Variants in ANKEF1 observed in about 807,000 individuals in gnomAD.
The protein encoded by ANKEF1 is ankyrin repeat and EF-hand domain-containing protein 1.
A neutral mutation model predicts 65.1 loss-of-function variants in ANKEF1; 43 were observed. The observed-to-expected ratio is 0.66, with a 90% CI of 0.52 to 0.85. ANKEF1 has a LOEUF of 0.85. ANKEF1 is among the 40% of genes least tolerant of loss of function. ANKEF1 has a pLI of 0.00. For synonymous variants in ANKEF1, 316 were observed against 341.5 expected (o/e 0.93, Z 0.82); for missense variants, 934 against 952.9 (o/e 0.98, Z 0.26).
At chr20:10,045,808 A>G (rs2122243280) in intron 6 of ANKEF1, 111 bp downstream of exon 6, 1 of 1,050,264 alleles carries the variant, frequency 9.5e-7, no homozygotes, top group East Asian at 2.4e-5. Flanking sequence ...TTTCTATAGC[A>G]AAACCTCACT....
At chr20:10,053,912 A>C (rs1183259910) in intron 9 of ANKEF1, among the ~76,000 whole-genome samples, 1 of 152,180 alleles carries the variant, frequency 6.6e-6, no homozygotes, top group Non-Finnish European at 1.5e-5. Flanking sequence ...TGAGACATCA[A>C]GACTTTATCA....
At position 10,038,300 on chromosome 20, in the gene ANKEF1, G is replaced by T. The variant is rs759369948; in HGVS notation, c.-2G>T. Reference sequence around the variant, plus strand: ...AAAGCATTTTCAAGGAGCTGGTCAAGCATGGCTTTAGCAGATAAGAGACTT... The same window carrying T: ...AAAGCATTTTCAAGGAGCTGGTCAATCATGGCTTTAGCAGATAAGAGACTT... On this transcript the variant is annotated 5_prime_UTR_variant, in exon 3 of 11. Coordinates refer to ENST00000378392, the MANE Select transcript of ANKEF1 (RefSeq NM_022096.6). The T allele has an allele frequency of 6.7e-7, 1 of 1,502,236 alleles. No homozygotes were observed. The highest frequency in any genetic ancestry group is 9.0e-7 in the Non-Finnish European group (1 of 1,117,158). The allele number at this position is 1,502,236 out of a possible 1,614,324, so 93.1% of individuals were successfully genotyped here.
In ANKEF1 at chr20:10,049,732, G is replaced by A. The variant is rs759335876; in HGVS notation, c.1163G>A (p.Gly388Glu). The A allele has an allele frequency of 2.5e-6, 4 of 1,614,010 alleles. No homozygotes were observed. The Admixed American group carries it at 5.0e-5, about 20-fold the overall frequency. The change falls in exon 7 of 11, where the codon GGA becomes GAA. Residue 388 changes from glycine (G) to glutamate (E), a missense_variant. Coordinates refer to ENST00000378392, the MANE Select transcript of ANKEF1 (RefSeq NM_022096.6). ...IAHLHEKTRG[G>E]GVNINEFFKG... is the part of the protein sequence containing the mutation. Reference sequence around the variant, plus strand: ...CACCTTCATGAGAAAACCCGGGGAGGAGGGGTCAATATTAATGAATTCTTT... The same window carrying A: ...CACCTTCATGAGAAAACCCGGGGAGAAGGGGTCAATATTAATGAATTCTTT...
In ANKEF1 at chr20:10,053,512, T is replaced by A. The variant is rs567810411; in HGVS notation, c.2034+237T>A. On this transcript the variant is annotated intron_variant, in intron 9 of 10. Coordinates refer to ENST00000378392, the MANE Select transcript of ANKEF1 (RefSeq NM_022096.6). ...GAATCCATACAAAAACCAAATGGGT[T>A]CAGCCAAATACAATTAGAATGTTGA... Among the ~76,000 whole-genome samples the A allele has an allele frequency of 8.9e-3, 1,359 of 152,266 alleles. 8 individuals are homozygous for A. The highest frequency in any genetic ancestry group is 0.027 in the Middle Eastern group (8 of 294).
Position 10,049,553 on chromosome 20 carries a change from A to G in ANKEF1, c.984A>G (p.Arg328=), listed in dbSNP as rs148077085. Residue 328 remains arginine, a synonymous_variant, in exon 7 of 11, where the codon AGA becomes AGG. Coordinates refer to ENST00000378392, the MANE Select transcript of ANKEF1 (RefSeq NM_022096.6). ...ATCCAAATCCACTGTGGGCCCTTAG[A>G]CTGCACGATTGGTCCGTAGAACGTG... The part of the protein sequence containing the change: ...AKNPNPLWAL[R]LHDWSVEREA... 10 of 1,613,968 alleles carry G rather than the reference A, an allele frequency of 6.2e-6. No homozygotes were observed. The highest frequency in any genetic ancestry group is 7.6e-6 in the Non-Finnish European group (9 of 1,180,010).
chr20:10,054,607 C>T lies in ANKEF1; in HGVS notation c.2172+8C>T. 1.2e-6 allele frequency: 2 copies of T among 1,602,986 alleles called. No homozygotes were observed. Among genetic ancestry groups the T allele is most frequent in the South Asian group, 2.3e-5 (2 of 88,256 alleles). ...ACATTTATTCCACGGAGGGTAAGTGCTTCGAAAAGATCTTCATAGCATGGT... is the reference window on the plus strand; with the variant it reads ...ACATTTATTCCACGGAGGGTAAGTGTTTCGAAAAGATCTTCATAGCATGGT... On this transcript the variant is annotated splice_region_variant and intron_variant, in intron 10 of 10. Coordinates refer to ENST00000378392, the MANE Select transcript of ANKEF1 (RefSeq NM_022096.6).
At position 10,044,449 on chromosome 20, in the gene ANKEF1, T is replaced by A. The variant is rs1288801883; in HGVS notation, c.602T>A (p.Val201Asp). 1.9e-6 allele frequency: 3 copies of A among 1,614,094 alleles called. No homozygotes were observed. Among genetic ancestry groups the A allele is most frequent in the Admixed American group, 1.7e-5 (1 of 60,008 alleles). Reference sequence around the variant, plus strand: ...TCAAGAGAAGGGGTAGTGGAAATAGTTCGAGGCATATTGGAAAGAGGAGGT... The same window carrying A: ...TCAAGAGAAGGGGTAGTGGAAATAGATCGAGGCATATTGGAAAGAGGAGGT... The part of the protein sequence containing the change: ...EASREGVVEI[V>D]RGILERGGEV... The change falls in exon 5 of 11, where the codon GTT (valine) becomes GAT (aspartate). Residue 201 changes from valine to aspartate, a missense_variant. By Grantham distance (152) the Val-to-Asp change is radical (BLOSUM62 -3). Transcript: ENST00000378392.
chr20:10,052,068 G>A (rs1266512514), intron 8 of ANKEF1, among the ~76,000 whole-genome samples, 179 bp downstream of exon 8: 1 of 152,062 alleles, frequency 6.6e-6, no homozygotes, highest in Non-Finnish European at 1.5e-5. Context: ...CCACTCATTG[G>A]TGTTGGAGGG....
chr20:10,044,080 G>A (rs1253337752), intron 4 of ANKEF1, among the ~76,000 whole-genome samples: 5 of 151,996 alleles, frequency 3.3e-5, no homozygotes, highest in Admixed American at 3.3e-4. Context: ...TTTATATTAG[G>A]TGTTGATATT....
rs1262163881 is a variant in ANKEF1, at chr20:10,053,198, C to A, written c.1957C>A (p.Pro653Thr). Residue 653 changes from proline (P) to threonine (T), a missense_variant, in exon 9 of 11, where the codon CCA (proline) becomes ACA (threonine). Coordinates refer to ENST00000378392, the MANE Select transcript of ANKEF1 (RefSeq NM_022096.6). ...IKEKLDNLPK[P>T]AENQKLKGKT... ...AGAAAAGCTAGATAACTTGCCGAAACCAGCAGAAAATCAAAAACTAAAAGG... is the reference window on the plus strand; with the variant it reads ...AGAAAAGCTAGATAACTTGCCGAAAACAGCAGAAAATCAAAAACTAAAAGG... 9.3e-6 allele frequency: 15 copies of A among 1,613,462 alleles called. No homozygotes were observed. Among genetic ancestry groups the A allele is most frequent in the African/African-American group, 2.7e-5 (2 of 74,830 alleles).
chr20:10,048,153 T>C (rs1568514110), intron 6 of ANKEF1, among the ~76,000 whole-genome samples: 1 of 152,292 alleles, frequency 6.6e-6, no homozygotes, highest in East Asian at 1.9e-4. Flanking sequence ...TTTTATAACC[T>C]TTATTGTCCC....
intron 9 of ANKEF1, among the ~76,000 whole-genome samples, chr20:10,054,111 A>G (rs891479684): frequency 6.6e-6 from 1 of 152,176 alleles, no homozygotes; most frequent in Admixed American, 6.6e-5. Context: ...AAGGGATTGT[A>G]GACAGACAGC....
intron 3 of ANKEF1, among the ~76,000 whole-genome samples, chr20:10,039,835 T>G (rs567304389): frequency 6.6e-6 from 1 of 152,304 alleles, no homozygotes; most frequent in South Asian, 2.1e-4. Flanking sequence ...CATATTTATT[T>G]GACCACAAAA....
chr20:10,044,220 C>A (rs1420194473), intron 4 of ANKEF1, among the ~76,000 whole-genome samples, 174 bp from the exon 5 acceptor site: 4 of 152,132 alleles, frequency 2.6e-5, no homozygotes. Flanking sequence ...GATACTGACC[C>A]ATTGTACTTG....
chr20:10,042,903 G>A (rs983352149), intron 3 of ANKEF1, among the ~76,000 whole-genome samples: 1 of 152,134 alleles, frequency 6.6e-6, no homozygotes, highest in Non-Finnish European at 1.5e-5. Flanking sequence ...CCATAAGCCA[G>A]GTCCTATCAT....
At chr20:10,044,946 T>A (rs149367110) in intron 5 of ANKEF1, among the ~76,000 whole-genome samples, 1 of 152,184 alleles carries the variant, frequency 6.6e-6, no homozygotes, top group Non-Finnish European at 1.5e-5. Context: ...GATAATGATA[T>A]ACCTGAATTT....
At chr20:10,037,390 C>T (rs1983923672) in intron 2 of ANKEF1, among the ~76,000 whole-genome samples, 1 of 152,138 alleles carries the variant, frequency 6.6e-6, no homozygotes, top group Non-Finnish European at 1.5e-5. Context: ...AATAGTCTTC[C>T]CTCATAGTTC....
chr20:10,051,913 T>C (rs764907895), intron 8 of ANKEF1, 24 bp downstream of exon 8: 3 of 1,543,596 alleles, frequency 1.9e-6, no homozygotes, highest in Admixed American at 1.7e-5. Flanking sequence ...TTATTGATGA[T>C]TAGGGTTAGA....
intron 3 of ANKEF1, among the ~76,000 whole-genome samples, chr20:10,040,904 A>T (rs1165617556): frequency 6.8e-6 from 1 of 147,986 alleles, no homozygotes; most frequent in Non-Finnish European, 1.5e-5. Context: ...CCTGCCTTCT[A>T]TGTCTTGCTC....
Sources: gnomAD v4.1 joint callset for allele counts (sites outside exome capture counted in the v4.1 genomes callset) on GRCh38, gnomAD v4.1.1 for gene constraint, MANE v1.5 for transcripts, NCBI Gene and HGNC (gene_info 2026-07-23, HGNC 2026-07-21) for gene names.